The following WDR62 variants were observed in gnomAD, a reference collection of about 807,000 sequenced individuals.
WDR62 encodes WD repeat domain 62, also known as WD repeat-containing protein 62.
A neutral mutation model predicts 160.6 loss-of-function variants in WDR62; 112 were observed. The ratio of observed to expected loss-of-function variants is 0.70; its 90% CI spans 0.60 to 0.82. WDR62 has a LOEUF of 0.82. Ranked by LOEUF, WDR62 falls within the 40% of genes least tolerant of loss-of-function variation. The pLI is 0.00. For synonymous variants in WDR62, 792 were observed against 815.1 expected (o/e 0.97, Z 0.48); for missense variants, 1,819 against 1,983.8 (o/e 0.92, Z 1.58).
In WDR62 at chr19:36,069,012, G is replaced by A. The variant is rs569499214; in HGVS notation, c.882+1002G>A. ...CCCCCACCTCCCTCCCTGACGGGCC[G>A]GCTGGCTGGGCAGGGGCTGACCCCC... On this transcript the variant is annotated intron_variant, in intron 7 of 31. Transcript: ENST00000401500. Among the ~76,000 whole-genome samples, 183 of 151,484 alleles carry A rather than the reference G, an allele frequency of 1.2e-3. 1 individual carries two copies. The highest frequency in any genetic ancestry group is 4.3e-3 in the African/African-American group (178 of 41,368).
At chr19:36,101,446 T>C (rs1973330792) in intron 24 of WDR62, 129 bp downstream of exon 24, 1 of 931,708 alleles carries the variant, frequency 1.1e-6, no homozygotes, top group East Asian at 2.6e-5. Context: ...ATGTGGTCCC[T>C]GCTGCTGCCT....
intron 30 of WDR62, 151 bp downstream of exon 30, chr19:36,104,132 T>C: frequency 9.0e-7 from 1 of 1,107,028 alleles, no homozygotes; most frequent in South Asian, 1.4e-5. Context: ...GCATTACATG[T>C]TGGGCTTTGT....
chr19:36,102,443 G>A, intron 26 of WDR62: 3 of 580,892 alleles, frequency 5.2e-6, no homozygotes, highest in South Asian at 4.0e-5. Flanking sequence ...TGTATTTTTA[G>A]TAGAGATGAG....
At chr19:36,059,718 C>T (rs1341352656) in intron 2 of WDR62, among the ~76,000 whole-genome samples, 3 of 152,142 alleles carry the variant, frequency 2.0e-5, no homozygotes, top group Non-Finnish European at 4.4e-5. Flanking sequence ...TTATAGCCAG[C>T]TTAAGGTCTT....
At chr19:36,099,163 A>T (rs1973159061) in intron 21 of WDR62, among the ~76,000 whole-genome samples, 1 of 145,670 alleles carries the variant, frequency 6.9e-6, no homozygotes, top group South Asian at 2.3e-4. Flanking sequence ...TGGAGGTTGC[A>T]GTGAGCCAAG....
intron 1 of WDR62, among the ~76,000 whole-genome samples, chr19:36,056,928 A>G (rs1394297607): frequency 6.6e-6 from 1 of 150,852 alleles, no homozygotes. Flanking sequence ...TTCCTGCCTC[A>G]AGCCTCCTGA....
chr19:36,090,268 A>G (rs1176229555), intron 15 of WDR62, among the ~76,000 whole-genome samples, 177 bp from the exon 16 acceptor site: 4 of 152,188 alleles, frequency 2.6e-5, no homozygotes. Flanking sequence ...ACATTAACTC[A>G]GTGGATACCC....
chr19:36,069,534 A>C (rs1971165604), intron 7 of WDR62, among the ~76,000 whole-genome samples: 2 of 147,264 alleles, frequency 1.4e-5, no homozygotes, highest in Non-Finnish European at 3.0e-5. Context: ...GGGGCTCCTC[A>C]CATCCCAGAC....
intron 19 of WDR62, 124 bp from the exon 20 acceptor site, chr19:36,093,907 A>C (rs866177000): frequency 2.5e-6 from 3 of 1,216,772 alleles, no homozygotes; most frequent in Non-Finnish European, 3.6e-6. Context: ...TGCCAGCACC[A>C]TCTTGACCAG....
chr19:36,091,570 G>C, intron 18 of WDR62, 105 bp downstream of exon 18: 1 of 1,137,124 alleles, frequency 8.8e-7, no homozygotes, highest in Non-Finnish European at 1.3e-6. Flanking sequence ...TGGATTGTGG[G>C]AGTCTTGGTG....
chr19:36,099,707 G>GGCA, intron 22 of WDR62, 90 bp downstream of exon 22: 2 of 1,293,404 alleles, frequency 1.5e-6, no homozygotes, highest in South Asian at 2.4e-5. Context: ...ACTCCATGGG[G>GGCA]GCAGGGAGGA....
Position 36,071,502 on chromosome 19 carries a change from C to T in WDR62, c.883-54C>T, listed in dbSNP as rs1390891062. ...GCTGCTCTGTCAGTCCCCATATCCC[C>T]GGGCCAGGCCACGTGAAGCACCAAA... is the stretch of plus-strand genomic sequence containing the variant. On this transcript the variant is annotated intron_variant, in intron 7 of 31. Coordinates refer to ENST00000401500, the MANE Select transcript of WDR62 (RefSeq NM_001083961.2). The T allele has an allele frequency of 4.1e-5, 66 of 1,611,762 alleles. 1 individual carries two copies. The Middle Eastern group carries it at 4.9e-4, about 12-fold the overall frequency.
chr19:36,058,698 G>C, intron 1 of WDR62, 82 bp from the exon 2 acceptor site: 1 of 1,053,168 alleles, frequency 9.5e-7, no homozygotes, highest in East Asian at 2.5e-5. Context: ...AATGTAGCAG[G>C]ACCTGAATGG....
Position 36,104,509 on chromosome 19 carries a change from C to G in WDR62, c.4154-9C>G. 1 of 1,613,546 alleles carries G rather than the reference C, an allele frequency of 6.2e-7. No homozygotes were observed. Among genetic ancestry groups the G allele is most frequent in the South Asian group, 1.1e-5 (1 of 91,082 alleles). On this transcript the variant is annotated splice_polypyrimidine_tract_variant and intron_variant, in intron 30 of 31. Coordinates refer to ENST00000401500, the MANE Select transcript of WDR62 (RefSeq NM_001083961.2). ...GCTCATCTTGCTCATTCCCTTCTCT[C>G]TACCCCAGGTGCACTTGGTCTGTTA...
rs79837422 is a variant in WDR62, at chr19:36,089,352, C to G, written c.1958+46C>G. ...CTTAGCTGGCCTGGTCTGCCTTGTCCTAGGCTGTCTGCTTTCCTCCCTCTG... is the reference window on the plus strand; with the variant it reads ...CTTAGCTGGCCTGGTCTGCCTTGTCGTAGGCTGTCTGCTTTCCTCCCTCTG... On this transcript the variant is annotated intron_variant, in intron 15 of 31. Coordinates refer to ENST00000401500, the MANE Select transcript of WDR62 (RefSeq NM_001083961.2). 1.5e-4 allele frequency: 249 copies of G among 1,614,064 alleles called. 2 individuals carry two copies. In the African/African-American group the frequency reaches 3.1e-3, roughly 20 times the overall value.
chr19:36,057,281 ATAT>A (rs1325775404), intron 1 of WDR62, among the ~76,000 whole-genome samples: 2 of 152,124 alleles, frequency 1.3e-5, no homozygotes, highest in African/African-American at 4.8e-5. Flanking sequence ...GCTAATACTG[ATAT>A]TATGACTGTG....
In WDR62 at chr19:36,099,659, G is replaced by A. The variant is rs146527278; in HGVS notation, c.2739+42G>A. ...CAGCCTGGCCCATAGCCCCGGCACC[G>A]TGACGGCCCCAGGGCCTGGCGCCTT... On this transcript the variant is annotated intron_variant, in intron 22 of 31. Transcript: ENST00000401500. 477 of 1,601,908 alleles carry A rather than the reference G, an allele frequency of 3.0e-4. 4 individuals carry two copies. In the African/African-American group the frequency reaches 5.3e-3, roughly 18 times the overall value.
At chr19:36,094,861 G>A (rs564810098) in intron 20 of WDR62, among the ~76,000 whole-genome samples, 9 of 151,982 alleles carry the variant, frequency 5.9e-5, no homozygotes, top group African/African-American at 1.9e-4. Context: ...CCAAGACCCC[G>A]TTCCTACAAA....
At chr19:36,065,918 C>T (rs368505814) in intron 3 of WDR62, 40 bp from the exon 4 acceptor site, 8 of 1,607,624 alleles carry the variant, frequency 5.0e-6, no homozygotes, top group African/African-American at 1.3e-5. Flanking sequence ...GCTGGCCACC[C>T]TCAGCGGAAC....
Sources: allele counts gnomAD v4.1 joint callset (sites outside exome capture counted in the v4.1 genomes callset), GRCh38; gene constraint gnomAD v4.1.1; transcripts MANE v1.5; gene names NCBI Gene and HGNC (gene_info 2026-07-23, HGNC 2026-07-21).